The following ERP44 variants were observed in gnomAD, a reference collection of about 807,000 sequenced individuals.
ERP44 encodes the protein endoplasmic reticulum resident protein 44.
In ERP44, 25 loss-of-function variants were observed where a neutral mutation model predicts 53.4. That is an observed-to-expected ratio of 0.47 (90% CI 0.34 to 0.65). The LOEUF is 0.65. Among genes scored for constraint, ERP44 ranks in the 30% least tolerant of loss-of-function variants. The probability of loss-of-function intolerance (pLI) is 0.01; values close to 1 mark genes in which losing one functional copy is unlikely to be tolerated. For missense variants in ERP44, 338 were observed against 493.2 expected, an observed-to-expected ratio of 0.69 and a Z score of 2.98; for synonymous variants, 145 against 161.2, an observed-to-expected ratio of 0.90 and a Z score of 0.76.
intron 3 of ERP44, among the ~76,000 whole-genome samples, chr9:100,056,880 G>T (rs1826092966): frequency 6.6e-6 from 1 of 152,138 alleles, no homozygotes; most frequent in Admixed American, 6.5e-5. Flanking sequence ...GGCCTTCTGG[G>T]TCAAAGTAAA....
intron 3 of ERP44, among the ~76,000 whole-genome samples, chr9:100,054,886 A>G (rs867434451): frequency 2.6e-5 from 4 of 152,306 alleles, no homozygotes; most frequent in Middle Eastern, 3.4e-3. Flanking sequence ...AAAGCAATGG[A>G]TCTATTAAAA....
rs199858862 is a variant in ERP44, at chr9:100,079,944, A to C, written c.57+18840T>G. ...AGTGAGTGCTGTCTTTAAAAAAAACAAAAAAAAAAAAAACAGAATCATAAA... is the reference window on the plus strand; with the variant it reads ...AGTGAGTGCTGTCTTTAAAAAAAACCAAAAAAAAAAAAACAGAATCATAAA... On this transcript the variant is annotated intron_variant, in intron 1 of 11. Transcript: ENST00000262455. 1.5e-4 allele frequency among the ~76,000 whole-genome samples: 9 copies of C among 58,586 alleles called. No individual in the cohort carries two copies. In the African/African-American group the frequency reaches 2.0e-3, roughly 13 times the overall value. The allele number at this position is 58,586 out of a possible 152,430, so 38.4% of individuals were successfully genotyped here. A position where few individuals can be genotyped will look rare whatever the true frequency, so the allele number is the denominator to read the frequency against.
intron 1 of ERP44, among the ~76,000 whole-genome samples, chr9:100,063,501 G>A (rs1183599125): frequency 6.6e-6 from 1 of 151,996 alleles, no homozygotes; most frequent in African/African-American, 2.4e-5. Context: ...GATTCTCCCG[G>A]GAAAACATCT....
In ERP44 at chr9:99,998,787, C is replaced by T. The variant is rs529984439; in HGVS notation, c.1016+7719G>A. On this transcript the variant is annotated intron_variant, in intron 10 of 11. Coordinates refer to ENST00000262455, the MANE Select transcript of ERP44 (RefSeq NM_015051.3). ...CTTTTCTCTCTCCTCCTCCGTTCTT[C>T]TCGCTTCTCTTCTCGAATTCTCTGC... 8.1e-5 allele frequency: 72 copies of T among 894,198 alleles called. No homozygotes were observed. The African/African-American group carries it at 1.0e-3, about 12-fold the overall frequency. The allele number at this position is 894,198 out of a possible 1,614,324, so 55.4% of individuals were successfully genotyped here.
chr9:100,086,841 T>C (rs1169884750), intron 1 of ERP44, among the ~76,000 whole-genome samples: 2 of 152,212 alleles, frequency 1.3e-5, no homozygotes, highest in South Asian at 2.1e-4. Context: ...ATTGCACACC[T>C]AGCCTTCTGG....
At position 99,988,625 on chromosome 9, in the gene ERP44, C is replaced by T. The variant is rs139408125; in HGVS notation, c.1017-3556G>A. 7.6e-4 allele frequency among the ~76,000 whole-genome samples: 115 copies of T among 152,268 alleles called. 1 individual carries two copies. The East Asian group carries it at 8.5e-3, about 11-fold the overall frequency. On this transcript the variant is annotated intron_variant, in intron 10 of 11. Transcript: ENST00000262455. ...CTCCCAGTGTGATCAACGCAGAAGA[C>T]GGGTGATTTCTGCATTTCAAACTGA...
chr9:100,053,331 C>T (rs1434729763), intron 3 of ERP44, among the ~76,000 whole-genome samples: 2 of 152,132 alleles, frequency 1.3e-5, no homozygotes, highest in Admixed American at 6.5e-5. Flanking sequence ...ACTTTAAACA[C>T]AAGGCACAAA....
At chr9:100,034,763 C>A (rs956232682) in intron 4 of ERP44, among the ~76,000 whole-genome samples, 3 of 152,142 alleles carry the variant, frequency 2.0e-5, no homozygotes, top group Middle Eastern at 6.8e-3. Flanking sequence ...GCCTCAATAG[C>A]CAAAGCAAAC....
At chr9:100,067,445 G>T (rs1031886241) in intron 1 of ERP44, among the ~76,000 whole-genome samples, 55 of 152,318 alleles carry the variant, frequency 3.6e-4, no homozygotes, top group Non-Finnish European at 6.9e-4. Context: ...CGCCAGCCTC[G>T]GCCTCCCGAG....
intron 1 of ERP44, among the ~76,000 whole-genome samples, chr9:100,094,654 A>G (rs1023329516): frequency 1.3e-5 from 2 of 151,918 alleles, no homozygotes; most frequent in Non-Finnish European, 2.9e-5. Context: ...TGAGACTCCA[A>G]CTCAAAAAAA....
At chr9:100,077,047 G>A (rs1826366201) in intron 1 of ERP44, among the ~76,000 whole-genome samples, 1 of 152,190 alleles carries the variant, frequency 6.6e-6, no homozygotes, top group African/African-American at 2.4e-5. Context: ...TCCTCAGGGT[G>A]ATCAGCCAGC....
chr9:100,009,271 C>T (rs1227959350), intron 8 of ERP44, among the ~76,000 whole-genome samples: 3 of 152,070 alleles, frequency 2.0e-5, no homozygotes, highest in Non-Finnish European at 4.4e-5. Flanking sequence ...ATCACCATGC[C>T]CAGCTAATTT....
intron 1 of ERP44, among the ~76,000 whole-genome samples, chr9:100,086,237 T>C (rs1225170022): frequency 3.3e-5 from 5 of 152,260 alleles, no homozygotes; most frequent in Non-Finnish European, 4.4e-5. Flanking sequence ...TATTAAAAGC[T>C]GAAATGCATA....
intron 1 of ERP44, among the ~76,000 whole-genome samples, chr9:100,076,074 C>T (rs1373710670): frequency 6.6e-6 from 1 of 152,216 alleles, no homozygotes; most frequent in African/African-American, 2.4e-5. Context: ...CAGATAACTA[C>T]TCTCCTTTTG....
At chr9:100,067,084 A>G (rs1002751387) in intron 1 of ERP44, among the ~76,000 whole-genome samples, 2 of 152,188 alleles carry the variant, frequency 1.3e-5, no homozygotes, top group Non-Finnish European at 2.9e-5. Flanking sequence ...AAGAAACACT[A>G]GAAGAATTAT....
intron 1 of ERP44, among the ~76,000 whole-genome samples, chr9:100,078,273 C>T (rs1426427756): frequency 2.0e-5 from 3 of 151,804 alleles, no homozygotes; most frequent in Admixed American, 6.6e-5. Context: ...GCCTGGCCAA[C>T]GTGGTGAAAC....
intron 1 of ERP44, among the ~76,000 whole-genome samples, chr9:100,096,960 T>C (rs1826639276): frequency 6.6e-6 from 1 of 152,212 alleles, no homozygotes. Flanking sequence ...CTAACTAGCA[T>C]ATGAGTATTA....
intron 8 of ERP44, among the ~76,000 whole-genome samples, chr9:100,011,604 TAA>T (rs1453675335): frequency 1.3e-5 from 2 of 152,080 alleles, no homozygotes; most frequent in Admixed American, 6.5e-5. Flanking sequence ...TAATGACACA[TAA>T]TTAAAGATAG....
At chr9:100,021,572 G>C (rs1830589933) in intron 5 of ERP44, among the ~76,000 whole-genome samples, 1 of 152,140 alleles carries the variant, frequency 6.6e-6, no homozygotes, top group Admixed American at 6.5e-5. Flanking sequence ...AATTGTTTTT[G>C]CTTTTGTTGT....
Sources: allele counts gnomAD v4.1 joint callset (sites outside exome capture counted in the v4.1 genomes callset), GRCh38; gene constraint gnomAD v4.1.1; transcripts MANE v1.5; gene names NCBI Gene and HGNC (gene_info 2026-07-23, HGNC 2026-07-21).